The following ADGB variants were observed in gnomAD, a reference collection of about 807,000 sequenced individuals.
ADGB encodes calpain-7-like protein.
ADGB carries 172 observed loss-of-function variants against 210.5 expected under a neutral mutation model. The observed-to-expected ratio is 0.82, with a 90% CI of 0.72 to 0.93. The LOEUF (loss-of-function observed/expected upper bound fraction) is 0.93, where lower values mean the gene tolerates loss of function less well. Ranked by LOEUF, ADGB falls within the 40% of genes least tolerant of loss-of-function variation. ADGB has a pLI of 0.00. For synonymous variants in ADGB, 658 were observed against 662.7 expected, an observed-to-expected ratio of 0.99 and a Z score of 0.11; for missense variants, 2,025 against 1,964.8, an observed-to-expected ratio of 1.03 and a Z score of -0.58.
At chr6:146,740,639 A>C (rs780805238) in intron 24 of ADGB, 46 bp downstream of exon 24, 1 of 1,525,962 alleles carries the variant, frequency 6.6e-7, no homozygotes, top group Non-Finnish European at 8.8e-7. Flanking sequence ...ATGGCTTGCA[A>C]TATCTGTATT....
chr6:146,808,245 G>A (rs113962637), intron 35 of ADGB, among the ~76,000 whole-genome samples: 3 of 152,078 alleles, frequency 2.0e-5, no homozygotes, highest in East Asian at 3.9e-4. Flanking sequence ...AGTGATCTGC[G>A]CGCATCGGCC....
intron 10 of ADGB, among the ~76,000 whole-genome samples, chr6:146,688,981 G>GCT: frequency 6.6e-6 from 1 of 152,212 alleles, no homozygotes; most frequent in Admixed American, 6.6e-5. Flanking sequence ...GAAGGAGCAA[G>GCT]ATGTTACAAA....
rs1478545274 is a variant in ADGB at position 146,781,945 on chromosome 6, GAT to G, written c.3863-74_3863-73del. On this transcript the variant is annotated intron_variant, in intron 29 of 35. Coordinates refer to ENST00000397944, the MANE Select transcript of ADGB (RefSeq NM_024694.4). ...TAGCTTAACCATATGTCCCTGAGTT[GAT>G]TCCCTTGTCCCCTGTGAAACCATTT... is the stretch of plus-strand genomic sequence containing the variant. 3.7e-6 allele frequency: 4 copies of G among 1,091,472 alleles called. No homozygotes were observed. The East Asian group carries it at 9.3e-5, about 25-fold the overall frequency. The allele number at this position is 1,091,472 out of a possible 1,614,324, so 67.6% of individuals were successfully genotyped here.
At chr6:146,721,978 A>AT (rs1198443200) in intron 17 of ADGB, among the ~76,000 whole-genome samples, 1 of 152,032 alleles carries the variant, frequency 6.6e-6, no homozygotes, top group Non-Finnish European at 1.5e-5. Flanking sequence ...GACACCAGGG[A>AT]TTATGCCCAC....
At chr6:146,775,636 A>T (rs2114637641) in intron 29 of ADGB, among the ~76,000 whole-genome samples, 1 of 152,248 alleles carries the variant, frequency 6.6e-6, no homozygotes, top group Non-Finnish European at 1.5e-5. Context: ...AACAAATATA[A>T]ATTTGTCATT....
chr6:146,678,668 C>T (rs1040591044), intron 9 of ADGB, among the ~76,000 whole-genome samples: 8 of 152,114 alleles, frequency 5.3e-5, no homozygotes, highest in East Asian at 3.9e-4. Flanking sequence ...AATAAAATGA[C>T]GCTCACAGTT....
intron 7 of ADGB, 131 bp from the exon 8 acceptor site, chr6:146,672,089 C>T (rs1367816606): frequency 6.6e-6 from 8 of 1,219,794 alleles, no homozygotes; most frequent in Middle Eastern, 2.1e-4. Context: ...GTTCTTTTAA[C>T]TAAAAATTTG....
chr6:146,781,991 C>T (rs1256361970), intron 29 of ADGB, 29 bp from the exon 30 acceptor site: 11 of 1,418,614 alleles, frequency 7.8e-6, no homozygotes, highest in Non-Finnish European at 1.0e-5. Flanking sequence ...TATTATGACT[C>T]ACCATTTTTT....
At chr6:146,657,245 G>A (rs1484206644) in intron 5 of ADGB, among the ~76,000 whole-genome samples, 1 of 151,540 alleles carries the variant, frequency 6.6e-6, no homozygotes, top group East Asian at 2.0e-4. Context: ...AGAATTGCTT[G>A]AACCCGGGAG....
chr6:146,752,787 T>A, intron 27 of ADGB, 73 bp downstream of exon 27: 2 of 1,356,512 alleles, frequency 1.5e-6, no homozygotes, highest in Non-Finnish European at 1.9e-6. Flanking sequence ...ACTTTAAAAA[T>A]GAAAATAAAG....
At chr6:146,631,322 C>G (rs1360861235) in intron 1 of ADGB, among the ~76,000 whole-genome samples, 1 of 152,162 alleles carries the variant, frequency 6.6e-6, no homozygotes, top group East Asian at 1.9e-4. Flanking sequence ...TTCCTGACTC[C>G]TTTCATTTTG....
At chr6:146,803,761 C>T in intron 35 of ADGB, 1 of 686,484 alleles carries the variant, frequency 1.5e-6, no homozygotes, top group Non-Finnish European at 2.4e-6. Flanking sequence ...AGCCCAGCCT[C>T]CGCGCTGACA....
intron 1 of ADGB, among the ~76,000 whole-genome samples, chr6:146,603,477 T>C (rs909562004): frequency 1.3e-5 from 2 of 152,174 alleles, no homozygotes; most frequent in Middle Eastern, 3.2e-3. Context: ...AAGCTTGAGA[T>C]AGGGACACAA....
intron 33 of ADGB, among the ~76,000 whole-genome samples, chr6:146,799,637 CTG>C (rs1266523529): frequency 1.3e-5 from 2 of 149,266 alleles, no homozygotes; most frequent in Non-Finnish European, 3.0e-5. Flanking sequence ...GGGAGGGAGA[CTG>C]TATTTGTTTG....
chr6:146,806,351 G>T (rs1488422441), intron 35 of ADGB, among the ~76,000 whole-genome samples: 1 of 152,106 alleles, frequency 6.6e-6, no homozygotes, highest in African/African-American at 2.4e-5. Context: ...CATTCCTCAA[G>T]GGATTACTGA....
At chr6:146,735,224 G>A (rs1181421753) in intron 22 of ADGB, among the ~76,000 whole-genome samples, 2 of 152,096 alleles carry the variant, frequency 1.3e-5, no homozygotes, top group East Asian at 1.9e-4. Flanking sequence ...AGGATGTCTT[G>A]CTTCATTTTG....
chr6:146,649,079 A>AT (rs1473045439), intron 3 of ADGB, among the ~76,000 whole-genome samples: 2 of 151,534 alleles, frequency 1.3e-5, no homozygotes, highest in African/African-American at 4.8e-5. Flanking sequence ...TATGTACTCA[A>AT]TTTTTTATTT....
intron 1 of ADGB, among the ~76,000 whole-genome samples, chr6:146,615,378 G>C (rs1452771220): frequency 6.6e-6 from 1 of 152,020 alleles, no homozygotes; most frequent in East Asian, 1.9e-4. Flanking sequence ...GATTTGGAGG[G>C]GACAGACATC....
intron 1 of ADGB, among the ~76,000 whole-genome samples, chr6:146,600,719 A>AT (rs11341825): frequency 0.45 from 66,911 of 149,386 alleles, 16,623 homozygotes; most frequent in Admixed American, 0.56. Flanking sequence ...TAAAAACTAC[A>AT]TTTTTTTTTT....
Sources: gnomAD v4.1 joint callset for allele counts (sites outside exome capture counted in the v4.1 genomes callset) on GRCh38, gnomAD v4.1.1 for gene constraint, MANE v1.5 for transcripts, NCBI Gene and HGNC (gene_info 2026-07-23, HGNC 2026-07-21) for gene names.